Variants in MYO15A observed in about 807,000 individuals in gnomAD.
The protein encoded by MYO15A is myosin XVA, also known as unconventional myosin-XV.
In MYO15A, 308 loss-of-function variants were observed where a neutral mutation model predicts 394.6. The observed-to-expected ratio is 0.78, with a 90% CI of 0.71 to 0.86. The LOEUF (loss-of-function observed/expected upper bound fraction) is 0.86. Among genes scored for constraint, MYO15A ranks in the 40% least tolerant of loss-of-function variants. The probability of loss-of-function intolerance (pLI) is 0.00; values close to 1 mark genes in which losing one functional copy is unlikely to be tolerated. For missense variants in MYO15A, 4,606 were observed against 4,799.1 expected, an observed-to-expected ratio of 0.96 and a Z score of 1.19; for synonymous variants, 1,957 against 2,003.8, an observed-to-expected ratio of 0.98 and a Z score of 0.62.
intron 18 of MYO15A, chr17:18,139,254 C>T (rs1304180603): frequency 5.0e-6 from 3 of 605,132 alleles, no homozygotes; most frequent in South Asian, 3.9e-5. Context: ...CATTCCTGCC[C>T]TGGAGGTGTC....
chr17:18,161,327 C>T lies in MYO15A; in HGVS notation c.9397C>T (p.Gln3133Ter). ...DNTSSKQDSCQRGWRLLYIVT... is the reference protein window; with the variant it reads ...DNTSSKQDSC ...CATGTGTCCTTGCAGGGACAGCTGC[C>T]AGCGAGGCTGGAGGCTGCTGTATAT... is the stretch of plus-strand genomic sequence containing the variant. Residue 3133 changes from glutamine to a stop codon, truncating the protein, a stop_gained, in exon 57 of 66, where the codon CAG (glutamine) becomes TAG (stop). Coordinates refer to ENST00000647165, the MANE Select transcript of MYO15A (RefSeq NM_016239.4). LOFTEE classifies it high-confidence loss of function. 6.2e-7 allele frequency: 1 copy of T among 1,613,960 alleles called. No homozygotes were observed. Among genetic ancestry groups the T allele is most frequent in the Non-Finnish European group, 8.5e-7 (1 of 1,180,014 alleles).
chr17:18,178,691 C>G (rs769342567), intron 65 of MYO15A, 78 bp from the exon 66 acceptor site: 2 of 1,398,286 alleles, frequency 1.4e-6, no homozygotes, highest in Admixed American at 1.7e-5. Flanking sequence ...CCAACCACCT[C>G]TCCATTCTGT....
At chr17:18,157,412 G>A in intron 50 of MYO15A, 182 bp downstream of exon 50, 1 of 964,448 alleles carries the variant, frequency 1.0e-6, no homozygotes, top group Non-Finnish European at 1.6e-6. Flanking sequence ...CCTCTGCTTT[G>A]CCTGAGGGGT....
At chr17:18,135,015 G>T (rs2046237574) in intron 12 of MYO15A, among the ~76,000 whole-genome samples, 1 of 152,046 alleles carries the variant, frequency 6.6e-6, no homozygotes, top group African/African-American at 2.4e-5. Flanking sequence ...GAGTAGCTGG[G>T]ACTACAGGTC....
chr17:18,127,950 G>C (rs2046083910), intron 7 of MYO15A, among the ~76,000 whole-genome samples: 1 of 151,642 alleles, frequency 6.6e-6, no homozygotes, highest in Non-Finnish European at 1.5e-5. Context: ...GAGTGTTGGG[G>C]GTTGCAATCG....
At chr17:18,171,894 G>A in intron 63 of MYO15A, 123 bp downstream of exon 63, 2 of 1,444,142 alleles carry the variant, frequency 1.4e-6, no homozygotes, top group Non-Finnish European at 1.8e-6. Flanking sequence ...CAGTCAAGCT[G>A]AGCACCTGCC....
At chr17:18,162,116 A>C (rs1567660948) in intron 57 of MYO15A, among the ~76,000 whole-genome samples, 1 of 152,242 alleles carries the variant, frequency 6.6e-6, no homozygotes, top group Non-Finnish European at 1.5e-5. Flanking sequence ...TAAAAGCAGC[A>C]GAATGTGCCC....
intron 56 of MYO15A, 200 bp from the exon 57 acceptor site, chr17:18,161,117 C>T (rs1229938196): frequency 1.2e-6 from 1 of 851,570 alleles, no homozygotes; most frequent in East Asian, 2.7e-5. Context: ...TGTCTGGGGC[C>T]CCATCCCCTT....
chr17:18,155,877 T>G, intron 47 of MYO15A: 1 of 446,432 alleles, frequency 2.2e-6, no homozygotes, highest in Non-Finnish European at 4.2e-6. Flanking sequence ...CCTGCATGCT[T>G]TGAAAGATGG....
intron 12 of MYO15A, 82 bp from the exon 13 acceptor site, chr17:18,135,629 C>T: frequency 1.5e-6 from 2 of 1,360,360 alleles, no homozygotes; most frequent in South Asian, 1.2e-5. Context: ...GCATGAGCCA[C>T]AGTGCCCGGC....
chr17:18,117,091 C>T lies in MYO15A; in HGVS notation c.-219-1491C>T, dbSNP rs2045800174. Among the ~76,000 whole-genome samples, 1 of 152,152 alleles carries T rather than the reference C, an allele frequency of 6.6e-6. No homozygotes were observed. Among genetic ancestry groups the T allele is most frequent in the Non-Finnish European group, 1.5e-5 (1 of 68,032 alleles). On this transcript the variant is annotated intron_variant, in intron 1 of 65. Transcript: ENST00000647165. This position sits in a 1 kb window ranked among gnomAD's most constrained non-coding sequence, Gnocchi z 4.1. ...CCCCTAACTCGCTCCAAAAGCCCTCCATCCAATTTCTCTGGTTTCCATCAA... is the reference window on the plus strand; with the variant it reads ...CCCCTAACTCGCTCCAAAAGCCCTCTATCCAATTTCTCTGGTTTCCATCAA...
rs1567651226 is a variant in MYO15A, at chr17:18,149,501, G to C, written c.7133G>C (p.Gly2378Ala). ...TCCCCTCCAGAGTCAGACAGTCTTG[G>C]AGAGCCTGCTGTGCCCCACAAGGGG... ...TATHQESDSL[G>A]EPAVPHKGLD... The change falls in exon 35 of 66, where the codon GGA (glycine) becomes GCA (alanine). Residue 2378 changes from glycine (G) to alanine (A), a missense_variant. By Grantham distance (60) the Gly-to-Ala change is moderately conservative (BLOSUM62 0). Around this residue, in one of 2 missense-constraint regions of MYO15A, gnomAD observed 2,776 missense variants for 3,109.3 expected, o/e 0.89. Coordinates refer to ENST00000647165, the MANE Select transcript of MYO15A (RefSeq NM_016239.4). The C allele has an allele frequency of 6.2e-7, 1 of 1,614,168 alleles. No homozygotes were observed. The highest frequency in any genetic ancestry group is 8.5e-7 in the Non-Finnish European group (1 of 1,180,024).
chr17:18,138,371 A>G, intron 17 of MYO15A, 125 bp downstream of exon 17: 1 of 1,222,712 alleles, frequency 8.2e-7, no homozygotes, highest in Non-Finnish European at 1.2e-6. Flanking sequence ...GGGTTGGGAC[A>G]CCCGACCTAC....
Position 18,136,545 on chromosome 17 carries a change from G to A in MYO15A, c.4656-18G>A, listed in dbSNP as rs1005946430. 3 of 1,613,910 alleles carry A rather than the reference G, an allele frequency of 1.9e-6. No homozygotes were observed. Among genetic ancestry groups the A allele is most frequent in the Non-Finnish European group, 2.5e-6 (3 of 1,180,032 alleles). On this transcript the variant is annotated intron_variant, in intron 14 of 65. Transcript: ENST00000647165. Reference sequence around the variant, plus strand: ...CCACCACGGTGTCCTGCTCACACCAGCACCACCTCTGCTCCAGGGACGCCA... The same window carrying A: ...CCACCACGGTGTCCTGCTCACACCAACACCACCTCTGCTCCAGGGACGCCA...
chr17:18,131,588 A>T lies in MYO15A; in HGVS notation c.4206+57A>T, dbSNP rs182142251. On this transcript the variant is annotated intron_variant, in intron 10 of 65. Coordinates refer to ENST00000647165, the MANE Select transcript of MYO15A (RefSeq NM_016239.4). ...GGCAGGGTCGGGGTGGGAGGTACAG[A>T]TACTCAGAGCCTGGCCCCTGGTAGG... 3.8e-4 allele frequency: 611 copies of T among 1,598,320 alleles called. 3 individuals carry two copies. In the African/African-American group the frequency reaches 7.5e-3, roughly 19 times the overall value.
chr17:18,116,915 G>C (rs2045795159), intron 1 of MYO15A, among the ~76,000 whole-genome samples: 2 of 118,594 alleles, frequency 1.7e-5, no homozygotes, highest in African/African-American at 7.9e-5. Flanking sequence ...GCGAGACTCT[G>C]TCTCAAAAAA....
At chr17:18,154,333 A>C in intron 44 of MYO15A, 143 bp downstream of exon 44, 1 of 969,372 alleles carries the variant, frequency 1.0e-6, no homozygotes, top group South Asian at 1.4e-5. Context: ...GTTTTATTGA[A>C]TCTCCCCCTC....
Position 18,138,247 on chromosome 17 carries a change from G to A in MYO15A, c.5007+1G>A. ...TGACGACCAGTGTTGCTTTCCCCAG[G>A]TGAGCCGCAGGCACTGTGTGAGCCT... On this transcript the variant is annotated splice_donor_variant, in intron 17 of 65. Coordinates refer to ENST00000647165, the MANE Select transcript of MYO15A (RefSeq NM_016239.4). LOFTEE classifies it high-confidence loss of function. The A allele has an allele frequency of 6.2e-7, 1 of 1,612,154 alleles. No homozygotes were observed. Among genetic ancestry groups the A allele is most frequent in the Non-Finnish European group, 8.5e-7 (1 of 1,179,994 alleles).
chr17:18,127,608 C>T lies in MYO15A; in HGVS notation c.4032+443C>T, dbSNP rs552744353. Among the ~76,000 whole-genome samples the T allele has an allele frequency of 5.9e-5, 9 of 152,128 alleles. No individual in the cohort carries two copies. The East Asian group carries it at 1.7e-3, about 29-fold the overall frequency. ...GGTGGGGTGGGGGAGGCAGTAGATGCCAGGCCAGAGTCTGAAGGATTGGAG... is the reference window on the plus strand; with the variant it reads ...GGTGGGGTGGGGGAGGCAGTAGATGTCAGGCCAGAGTCTGAAGGATTGGAG... On this transcript the variant is annotated intron_variant, in intron 7 of 65. Coordinates refer to ENST00000647165, the MANE Select transcript of MYO15A (RefSeq NM_016239.4).
Sources: gnomAD v4.1 joint callset for allele counts (sites outside exome capture counted in the v4.1 genomes callset) on GRCh38, gnomAD v4.1.1 for gene constraint, gnomAD v4.1.1 regional missense constraint, Gnocchi (gnomAD v3.1) non-coding constraint, MANE v1.5 for transcripts, NCBI Gene and HGNC (gene_info 2026-07-23, HGNC 2026-07-21) for gene names.